Variants in SERPINI1 observed in about 807,000 individuals in gnomAD.
The protein encoded by SERPINI1 is serpin family I member 1, also known as neuroserpin.
In SERPINI1, 19 loss-of-function variants were observed where a neutral mutation model predicts 41.1. That is an observed-to-expected ratio of 0.46 (90% CI 0.32 to 0.68). The LOEUF (loss-of-function observed/expected upper bound fraction) is 0.68. SERPINI1 is among the 30% of genes least tolerant of loss of function. The pLI is 0.03. For synonymous variants in SERPINI1, 138 were observed against 156.6 expected (o/e 0.88, Z 0.89); for missense variants, 460 against 479.2 (o/e 0.96, Z 0.37).
At chr3:167,744,852 G>GTT (rs1225419292) in intron 1 of SERPINI1, among the ~76,000 whole-genome samples, 3 of 104,822 alleles carry the variant, frequency 2.9e-5, no homozygotes, top group South Asian at 2.7e-4. Flanking sequence ...TATAACTATA[G>GTT]TTATATATAT....
At chr3:167,773,860 A>C (rs1391027308) in intron 1 of SERPINI1, among the ~76,000 whole-genome samples, 1 of 152,200 alleles carries the variant, frequency 6.6e-6, no homozygotes, top group South Asian at 2.1e-4. Flanking sequence ...CTTTCACCAC[A>C]GTCTATAGTC....
At chr3:167,800,892 T>C (rs1441309799) in intron 5 of SERPINI1, among the ~76,000 whole-genome samples, 1 of 152,198 alleles carries the variant, frequency 6.6e-6, no homozygotes, top group East Asian at 1.9e-4. Context: ...GCAAGAGCAC[T>C]GCAACCTCCA....
At chr3:167,805,610 T>C (rs532018371) in intron 5 of SERPINI1, among the ~76,000 whole-genome samples, 2 of 152,226 alleles carry the variant, frequency 1.3e-5, no homozygotes, top group Non-Finnish European at 2.9e-5. Flanking sequence ...ATGAAGTCTT[T>C]GCCCATGCCT....
chr3:167,770,761 C>G (rs1044160262), intron 1 of SERPINI1, among the ~76,000 whole-genome samples: 1 of 152,122 alleles, frequency 6.6e-6, no homozygotes, highest in Non-Finnish European at 1.5e-5. Context: ...AAATAAAGCC[C>G]AGGCATAGTA....
intron 5 of SERPINI1, among the ~76,000 whole-genome samples, chr3:167,801,869 T>C (rs1727910278): frequency 6.6e-6 from 1 of 152,146 alleles, no homozygotes; most frequent in Non-Finnish European, 1.5e-5. Context: ...TTGAACAAGG[T>C]CTTACAAACA....
intron 1 of SERPINI1, among the ~76,000 whole-genome samples, chr3:167,759,400 G>GTATATACATATATATATATA (rs1553771739): frequency 3.3e-5 from 4 of 121,116 alleles, no homozygotes; most frequent in Non-Finnish European, 7.2e-5. Context: ...AGAAAATGTG[G>GTATATACATATATATATATA]TATATATATA....
chr3:167,800,163 G>A (rs754007809), intron 5 of SERPINI1: 9 of 152,012 alleles, frequency 5.9e-5, no homozygotes, highest in Non-Finnish European at 8.8e-5. Context: ...ATGAAATACC[G>A]CAAGATTTAT....
intron 4 of SERPINI1, 135 bp from the exon 5 acceptor site, chr3:167,794,485 T>C (rs1255478001): frequency 3.2e-6 from 2 of 617,550 alleles, no homozygotes; most frequent in Admixed American, 3.1e-5. Flanking sequence ...ACTTCTTTAG[T>C]GGTGATTTGT....
rs78788902 is a variant in SERPINI1 at position 167,763,189 on chromosome 3, G to T, written c.-18-25922G>T. ...GTGGTTTCTGTTCCTCATGGAGCTTGCAGTCTAGGGAGCAAATTGATGTTA... is the reference window on the plus strand; with the variant it reads ...GTGGTTTCTGTTCCTCATGGAGCTTTCAGTCTAGGGAGCAAATTGATGTTA... On this transcript the variant is annotated intron_variant, in intron 1 of 8. Transcript: ENST00000446050. 6.2e-3 allele frequency among the ~76,000 whole-genome samples: 948 copies of T among 152,198 alleles called. 14 individuals carry two copies. Among genetic ancestry groups the T allele is most frequent in the African/African-American group, 0.021 (888 of 41,504 alleles).
At chr3:167,758,715 TC>T (rs1459016906) in intron 1 of SERPINI1, among the ~76,000 whole-genome samples, 3 of 152,166 alleles carry the variant, frequency 2.0e-5, no homozygotes, top group Admixed American at 2.0e-4. Flanking sequence ...CAGAAAAAGA[TC>T]ATTATTGAAA....
chr3:167,747,028 T>G (rs1725880791), intron 1 of SERPINI1, among the ~76,000 whole-genome samples: 1 of 152,234 alleles, frequency 6.6e-6, no homozygotes, highest in African/African-American at 2.4e-5. Flanking sequence ...ATCCAATGTT[T>G]GTCAGTTAAT....
intron 1 of SERPINI1, among the ~76,000 whole-genome samples, chr3:167,745,711 A>G (rs1424662336): frequency 6.6e-6 from 1 of 152,160 alleles, no homozygotes; most frequent in African/African-American, 2.4e-5. Context: ...AGGTTCACCA[A>G]GGTTGCAGGA....
At chr3:167,752,720 G>A (rs1559995640) in intron 1 of SERPINI1, among the ~76,000 whole-genome samples, 1 of 151,872 alleles carries the variant, frequency 6.6e-6, no homozygotes, top group African/African-American at 2.4e-5. Flanking sequence ...AGATAACCTA[G>A]CCCCTACCTC....
chr3:167,747,341 A>T (rs1553770637), intron 1 of SERPINI1, among the ~76,000 whole-genome samples: 1 of 152,146 alleles, frequency 6.6e-6, no homozygotes, highest in Non-Finnish European at 1.5e-5. Context: ...AGCTTGATGA[A>T]CTTCTTAAAA....
At chr3:167,745,732 A>C (rs1403805473) in intron 1 of SERPINI1, among the ~76,000 whole-genome samples, 1 of 152,128 alleles carries the variant, frequency 6.6e-6, no homozygotes, top group African/African-American at 2.4e-5. Context: ...TAGAAGATCG[A>C]TATAAAGAAA....
Position 167,789,226 on chromosome 3 carries a change from T to C in SERPINI1, c.98T>C (p.Met33Thr). Residue 33 changes from methionine to threonine, a missense_variant, in exon 2 of 9, where the codon ATG becomes ACG. Coordinates refer to ENST00000446050, the MANE Select transcript of SERPINI1 (RefSeq NM_001122752.2). ...EEAIADLSVNMYNRLRATGED... is the reference protein window; with the variant it reads ...EEAIADLSVNTYNRLRATGED... ...GCCATTGCTGACTTGTCAGTGAATA[T>C]GTATAATCGTCTTAGAGCCACTGGT... 3 of 1,614,200 alleles carry C rather than the reference T, an allele frequency of 1.9e-6. No individual in the cohort carries two copies. The highest frequency in any genetic ancestry group is 2.2e-5 in the South Asian group (2 of 91,086).
At chr3:167,799,525 T>C (rs1319789506) in intron 5 of SERPINI1, among the ~76,000 whole-genome samples, 3 of 152,322 alleles carry the variant, frequency 2.0e-5, no homozygotes, top group Non-Finnish European at 2.9e-5. Context: ...GTCTTTATAG[T>C]AGAATGATTT....
chr3:167,738,620 C>T (rs1725564525), intron 1 of SERPINI1, among the ~76,000 whole-genome samples: 1 of 151,768 alleles, frequency 6.6e-6, no homozygotes, highest in Non-Finnish European at 1.5e-5. Flanking sequence ...TTTGTAGAGG[C>T]CTGTATTCAT....
At chr3:167,756,272 T>A (rs1361454523) in intron 1 of SERPINI1, among the ~76,000 whole-genome samples, 1 of 152,030 alleles carries the variant, frequency 6.6e-6, no homozygotes, top group Non-Finnish European at 1.5e-5. Context: ...TCCCATAATT[T>A]TACAATTTCT....
Sources: gnomAD v4.1 joint callset for allele counts (sites outside exome capture counted in the v4.1 genomes callset) on GRCh38, gnomAD v4.1.1 for gene constraint, MANE v1.5 for transcripts, NCBI Gene and HGNC (gene_info 2026-07-23, HGNC 2026-07-21) for gene names.